The following LPIN2 variants were observed in gnomAD, a reference collection of about 807,000 sequenced individuals.
LPIN2 encodes the protein phosphatidate phosphatase LPIN2.
LPIN2 carries 55 observed loss-of-function variants against 111.4 expected under a neutral mutation model. The ratio of observed to expected loss-of-function variants is 0.49; its 90% CI spans 0.40 to 0.62. LPIN2 has a LOEUF of 0.62. Ranked by LOEUF, LPIN2 falls within the 20% of genes least tolerant of loss-of-function variation. The pLI is 0.00. For missense variants in LPIN2, 992 were observed against 1,112.1 expected (o/e 0.89, Z 1.54); for synonymous variants, 425 against 414.0 (o/e 1.03, Z -0.32).
intron 1 of LPIN2, among the ~76,000 whole-genome samples, chr18:2,973,510 T>A (rs2077957335): frequency 6.6e-6 from 1 of 152,244 alleles, no homozygotes; most frequent in African/African-American, 2.4e-5. Flanking sequence ...TACTGCTGCA[T>A]GTATCAGTAG....
intron 4 of LPIN2, among the ~76,000 whole-genome samples, chr18:2,950,006 T>A (rs1246841135): frequency 6.6e-6 from 1 of 151,770 alleles, no homozygotes; most frequent in East Asian, 1.9e-4. Context: ...GAGGCTGAGG[T>A]GGGAGGACTG....
intron 1 of LPIN2, among the ~76,000 whole-genome samples, chr18:3,007,220 G>A (rs2078529693): frequency 2.0e-5 from 3 of 152,086 alleles, no homozygotes; most frequent in South Asian, 2.1e-4. Flanking sequence ...GCCCAGGGCT[G>A]TAGTGCAGTG....
chr18:2,983,723 T>C (rs1254596004), intron 1 of LPIN2, among the ~76,000 whole-genome samples: 1 of 152,138 alleles, frequency 6.6e-6, no homozygotes, highest in African/African-American at 2.4e-5. Context: ...TAATTTCTAA[T>C]ATATACTACA....
chr18:2,969,461 G>A (rs1567843570), intron 1 of LPIN2, among the ~76,000 whole-genome samples: 2 of 152,136 alleles, frequency 1.3e-5, no homozygotes, highest in Admixed American at 1.3e-4. Context: ...TCAATTCCCC[G>A]TAGATCACAA....
chr18:2,945,880 C>CT, intron 4 of LPIN2: 1 of 1,449,908 alleles, frequency 6.9e-7, no homozygotes, highest in Non-Finnish European at 9.7e-7. Flanking sequence ...TTCCCAGCAT[C>CT]TTTTTTAGTC....
intron 9 of LPIN2, 98 bp downstream of exon 9, chr18:2,931,158 G>T (rs941581959): frequency 3.7e-6 from 5 of 1,359,508 alleles, no homozygotes; most frequent in African/African-American, 2.9e-5. Context: ...GATCCCTAAA[G>T]AATGTAAATA....
At chr18:2,986,337 T>C (rs911479891) in intron 1 of LPIN2, among the ~76,000 whole-genome samples, 2 of 152,110 alleles carry the variant, frequency 1.3e-5, no homozygotes, top group African/African-American at 4.8e-5. Context: ...AGATAGCTAG[T>C]GGCTGGCAAT....
intron 1 of LPIN2, among the ~76,000 whole-genome samples, chr18:2,977,982 C>G (rs2078047780): frequency 6.6e-6 from 1 of 151,914 alleles, no homozygotes; most frequent in Non-Finnish European, 1.5e-5. Flanking sequence ...CACCTGAGGT[C>G]AAGAGTTCAA....
At chr18:2,999,167 A>G (rs2078390736) in intron 1 of LPIN2, among the ~76,000 whole-genome samples, 1 of 152,228 alleles carries the variant, frequency 6.6e-6, no homozygotes, top group South Asian at 2.1e-4. Flanking sequence ...CCTCCAAAAA[A>G]GAAACGCTGA....
At position 2,997,892 on chromosome 18, in the gene LPIN2, T is replaced by C. The variant is rs2078369728; in HGVS notation, c.-10+15195A>G. ...AGTCTGCTAGATCGGTAAGCATGAA[T>C]TCACTACTTCCCTACTGTTTCCTTT... On this transcript the variant is annotated intron_variant, in intron 1 of 19. Coordinates refer to ENST00000677752, the MANE Select transcript of LPIN2 (RefSeq NM_001375808.2). Among the ~76,000 whole-genome samples, 3 of 152,316 alleles carry C rather than the reference T, an allele frequency of 2.0e-5. No homozygotes were observed. In the South Asian group the frequency reaches 6.2e-4, roughly 32 times the overall value.
intron 2 of LPIN2, among the ~76,000 whole-genome samples, chr18:2,955,128 G>A (rs2077589444): frequency 2.0e-5 from 3 of 152,144 alleles, no homozygotes; most frequent in African/African-American, 7.2e-5. Context: ...GTGAAACGAT[G>A]GGATAAGTAA....
chr18:2,972,194 A>G (rs1475977332), intron 1 of LPIN2, among the ~76,000 whole-genome samples: 1 of 152,194 alleles, frequency 6.6e-6, no homozygotes, highest in African/African-American at 2.4e-5. Context: ...AACTTGCATA[A>G]ATCTAGTCTA....
Position 2,919,094 on chromosome 18 carries a change from C to G in LPIN2, c.*1199G>C, listed in dbSNP as rs566472161. On this transcript the variant is annotated 3_prime_UTR_variant, in exon 20 of 20. Transcript: ENST00000677752. Reference sequence around the variant, plus strand: ...TTCCCTGGTGCCATCTCTTCAGACACGATGTGAGCTCATTACAACCGCATC... The same window carrying G: ...TTCCCTGGTGCCATCTCTTCAGACAGGATGTGAGCTCATTACAACCGCATC... The G allele has an allele frequency of 6.6e-6, 1 of 152,160 alleles. No individual in the cohort carries two copies. The highest frequency in any genetic ancestry group is 1.9e-4 in the East Asian group (1 of 5,194). 9.4% of individuals were successfully genotyped at this position (152,160 alleles called of 1,614,324 possible).
Position 2,960,639 on chromosome 18 carries a change from G to A in LPIN2, c.192+10C>T, listed in dbSNP as rs1568574874. 1.2e-6 allele frequency: 2 copies of A among 1,613,700 alleles called. No homozygotes were observed. The highest frequency in any genetic ancestry group is 2.2e-5 in the East Asian group (1 of 44,856). On this transcript the variant is annotated intron_variant, in intron 2 of 19. Coordinates refer to ENST00000677752, the MANE Select transcript of LPIN2 (RefSeq NM_001375808.2). The stretch of plus-strand genomic sequence containing the variant: ...TCAGGATGACTTTTCCTCTCCTTGA[G>A]GACACTCACCACTTTCTCTTTGGAT...
At position 2,999,379 on chromosome 18, in the gene LPIN2, G is replaced by A. The variant is rs537647116; in HGVS notation, c.-10+13708C>T. ...TGGGAGGCCAAAGCGGGCGGATCAC[G>A]AGGTCAGGAGATCGAGACCATTCTG... On this transcript the variant is annotated intron_variant, in intron 1 of 19. Coordinates refer to ENST00000677752, the MANE Select transcript of LPIN2 (RefSeq NM_001375808.2). Among the ~76,000 whole-genome samples the A allele has an allele frequency of 1.1e-4, 16 of 151,988 alleles. No individual in the cohort carries two copies. The East Asian group carries it at 2.3e-3, about 22-fold the overall frequency.
At chr18:2,961,098 T>C (rs1035864257) in intron 1 of LPIN2, among the ~76,000 whole-genome samples, 1 of 152,086 alleles carries the variant, frequency 6.6e-6, no homozygotes, top group African/African-American at 2.4e-5. Context: ...GCATTCCCTT[T>C]CCTTTCTCAG....
intron 4 of LPIN2, chr18:2,945,859 G>T (rs745833257): frequency 4.1e-6 from 6 of 1,475,062 alleles, no homozygotes; most frequent in Non-Finnish European, 5.7e-6. Flanking sequence ...TGTCTACATG[G>T]AACAACTTTT....
chr18:2,931,374 G>C lies in LPIN2; in HGVS notation c.1338C>G (p.Ser446=). Residue 446 remains serine, a synonymous_variant, in exon 9 of 20, where the codon TCC becomes TCG. Coordinates refer to ENST00000677752, the MANE Select transcript of LPIN2 (RefSeq NM_001375808.2). ...DTLSGSQSPQ[S]VGSAAADSGT... ...CGCTATCTGCAGCTGCGCTTCCCAC[G>C]GACTGTGGGGACTGGGAGCCAGAGA... is the stretch of plus-strand genomic sequence containing the variant. 1 of 1,612,064 alleles carries C rather than the reference G, an allele frequency of 6.2e-7. No homozygotes were observed. The highest frequency in any genetic ancestry group is 1.7e-5 in the Admixed American group (1 of 59,682).
chr18:3,008,898 T>TG (rs57872266), intron 1 of LPIN2, among the ~76,000 whole-genome samples: 1 of 150,202 alleles, frequency 6.7e-6, no homozygotes, highest in East Asian at 1.9e-4. Context: ...TTTTTTTTTT[T>TG]GGAGAGACAG....
Sources: allele counts gnomAD v4.1 joint callset (sites outside exome capture counted in the v4.1 genomes callset), GRCh38; gene constraint gnomAD v4.1.1; transcripts MANE v1.5; gene names NCBI Gene and HGNC (gene_info 2026-07-23, HGNC 2026-07-21).